Variants in EDN1 observed in about 807,000 individuals in gnomAD.
EDN1 encodes the protein endothelin-1.
EDN1 carries 11 observed loss-of-function variants against 21.7 expected under a neutral mutation model. The ratio of observed to expected loss-of-function variants is 0.51; its 90% confidence interval spans 0.32 to 0.84. EDN1 has a LOEUF of 0.84. Among genes scored for constraint, EDN1 ranks in the 40% least tolerant of loss-of-function variants. The pLI is 0.03. For missense variants in EDN1, 244 were observed against 262.3 expected, an observed-to-expected ratio of 0.93 and a Z score of 0.48; for synonymous variants, 85 against 90.6, an observed-to-expected ratio of 0.94 and a Z score of 0.35.
chr6:12,253,658 G>T, the EDN1 span, among the ~76,000 whole-genome samples: 1 of 152,002 alleles, frequency 6.6e-6, no homozygotes, highest in Non-Finnish European at 1.5e-5. Context: ...GAAGTCAAAG[G>T]GAACAGCATT....
the EDN1 span, among the ~76,000 whole-genome samples, chr6:12,234,633 C>T: frequency 7.2e-5 from 11 of 152,278 alleles, no homozygotes; most frequent in South Asian, 1.2e-3. Context: ...AGGCCAAGAC[C>T]AAGACCAGGG....
At chr6:12,245,023 G>C in the EDN1 span, among the ~76,000 whole-genome samples, 1 of 152,144 alleles carries the variant, frequency 6.6e-6, no homozygotes, top group South Asian at 2.1e-4. Flanking sequence ...TACGAGAACT[G>C]TCTTATCAAT....
chr6:12,273,578 G>C, the EDN1 span, among the ~76,000 whole-genome samples: 1 of 145,788 alleles, frequency 6.9e-6, no homozygotes, highest in Non-Finnish European at 1.5e-5. Flanking sequence ...ACACTGATGA[G>C]AGATGCACTA....
rs1376601768 is a variant in EDN1, at chr6:12,294,283, G to C, written c.412G>C (p.Asp138His). 1.2e-6 allele frequency: 2 copies of C among 1,614,074 alleles called. No homozygotes were observed. Among genetic ancestry groups the C allele is most frequent in the Non-Finnish European group, 1.7e-6 (2 of 1,180,044 alleles). Residue 138 changes from aspartate to histidine, a missense_variant, in exon 4 of 5, where the codon GAC (aspartate) becomes CAC (histidine). Coordinates refer to ENST00000379375, the MANE Select transcript of EDN1 (RefSeq NM_001955.5). The part of the protein sequence containing the change: ...ELRAEDIMEK[D>H]WNNHKKGKDC... ...CAGGGCTGAAGACATTATGGAGAAA[G>C]ACTGGAATAATCATAAGAAAGGAAA... is the stretch of plus-strand genomic sequence containing the variant.
At chr6:12,273,560 A>G in the EDN1 span, among the ~76,000 whole-genome samples, 1 of 148,940 alleles carries the variant, frequency 6.7e-6, no homozygotes, top group Non-Finnish European at 1.5e-5. Flanking sequence ...TTAAAAGGAT[A>G]TATTTAAACA....
the EDN1 span, among the ~76,000 whole-genome samples, chr6:12,254,792 AAAATTTATGAG>A: frequency 2.0e-5 from 3 of 152,176 alleles, no homozygotes; most frequent in Admixed American, 2.0e-4. Flanking sequence ...ACTCAATTGA[AAAATTTATGAG>A]AAATTTATGA....
chr6:12,276,035 G>C, the EDN1 span, among the ~76,000 whole-genome samples: 2 of 151,822 alleles, frequency 1.3e-5, no homozygotes, highest in African/African-American at 4.8e-5. Flanking sequence ...GGTGGTGGGT[G>C]CCTGTAGTCC....
intron 4 of EDN1, 32 bp from the exon 5 acceptor site, chr6:12,295,930 A>G: frequency 6.2e-7 from 1 of 1,603,402 alleles, no homozygotes. Flanking sequence ...TTTTTAAAAT[A>G]ACATTTGTTT....
At chr6:12,290,351 T>C, upstream of EDN1, 1 of 500,130 alleles carries the variant, frequency 2.0e-6, no homozygotes, top group Non-Finnish European at 3.6e-6. Flanking sequence ...GGCAGAGAGC[T>C]GTCCAAGTCA....
At chr6:12,245,448 C>G in the EDN1 span, among the ~76,000 whole-genome samples, 1 of 152,202 alleles carries the variant, frequency 6.6e-6, no homozygotes, top group African/African-American at 2.4e-5. Flanking sequence ...TCCAATGAGC[C>G]CAGTGACTTT....
At position 12,296,062 on chromosome 6, in the gene EDN1, T is replaced by C. The variant is rs780851020; in HGVS notation, c.634T>C (p.Trp212Arg). The change falls in exon 5 of 5, where the codon TGG becomes CGG. Residue 212 changes from tryptophan (W) to arginine (R), a missense_variant. By Grantham distance (101) the Trp-to-Arg change is moderately radical. Coordinates refer to ENST00000379375, the MANE Select transcript of EDN1 (RefSeq NM_001955.5). ...TTATGTGACCCACAACCGAGCACAT[T>C]GGTGACAGACCTTCGGGGCCTGTCT... ...ERYVTHNRAHW is the reference protein window; with the variant it reads ...ERYVTHNRAHR 3 of 1,613,734 alleles carry C rather than the reference T, an allele frequency of 1.9e-6. No individual in the cohort carries two copies. In the African/African-American group the frequency reaches 4.0e-5, roughly 22 times the overall value.
chr6:12,250,783 T>C, the EDN1 span, among the ~76,000 whole-genome samples: 2 of 152,178 alleles, frequency 1.3e-5, no homozygotes, highest in Non-Finnish European at 1.5e-5. Context: ...AGATATCCCT[T>C]TAGGAGATGG....
At chr6:12,261,601 C>A in the EDN1 span, among the ~76,000 whole-genome samples, 1 of 152,274 alleles carries the variant, frequency 6.6e-6, no homozygotes, top group African/African-American at 2.4e-5. Flanking sequence ...GCTGAATATT[C>A]ACACAGGGGA....
the EDN1 span, among the ~76,000 whole-genome samples, chr6:12,233,323 C>T: frequency 3.3e-5 from 5 of 152,144 alleles, no homozygotes. Flanking sequence ...GGATGGAGAA[C>T]TTCTTCTGAG....
chr6:12,256,760 G>A, the EDN1 span, among the ~76,000 whole-genome samples: 30 of 152,196 alleles, frequency 2.0e-4, no homozygotes, highest in Non-Finnish European at 4.3e-4. Flanking sequence ...GATAGAATTA[G>A]ATTGTATAGT....
At chr6:12,253,278 T>C in the EDN1 span, among the ~76,000 whole-genome samples, 1 of 152,160 alleles carries the variant, frequency 6.6e-6, no homozygotes, top group Non-Finnish European at 1.5e-5. Flanking sequence ...AATAATCACT[T>C]TTTCAGTAAT....
chr6:12,272,452 CTTTTTTT>C, the EDN1 span, among the ~76,000 whole-genome samples: 14 of 106,816 alleles, frequency 1.3e-4, no homozygotes, highest in African/African-American at 4.8e-4. Context: ...GAGTCATACT[CTTTTTTT>C]TTTTTTTTTT....
the EDN1 span, among the ~76,000 whole-genome samples, chr6:12,281,106 G>T: frequency 5.6e-4 from 86 of 152,234 alleles, no homozygotes; most frequent in African/African-American, 2.0e-3. Flanking sequence ...TCAAAACCAT[G>T]TCTACATTCC....
At chr6:12,260,170 G>C in the EDN1 span, among the ~76,000 whole-genome samples, 2 of 152,056 alleles carry the variant, frequency 1.3e-5, no homozygotes, top group Non-Finnish European at 2.9e-5. Flanking sequence ...AAGAGTTCTT[G>C]TTAAGTAAAG....
Sources: gnomAD v4.1 joint callset for allele counts (sites outside exome capture counted in the v4.1 genomes callset) on GRCh38, gnomAD v4.1.1 for gene constraint, MANE v1.5 for transcripts, NCBI Gene and HGNC (gene_info 2026-07-23, HGNC 2026-07-21) for gene names.